The following DPP6 variants were observed in gnomAD, a reference collection of about 807,000 sequenced individuals.
DPP6 encodes A-type potassium channel modulatory protein DPP6.
DPP6 carries 69 observed loss-of-function variants against 122.6 expected under a neutral mutation model. The ratio of observed to expected loss-of-function variants is 0.56; its 90% confidence interval spans 0.46 to 0.69. The LOEUF (loss-of-function observed/expected upper bound fraction) is 0.69, where lower values mean the gene tolerates loss of function less well. Ranked by LOEUF, DPP6 falls within the 30% of genes least tolerant of loss-of-function variation. DPP6 has a pLI of 0.00. For missense variants in DPP6, 928 were observed against 1,116.9 expected, an observed-to-expected ratio of 0.83 and a Z score of 2.41; for synonymous variants, 418 against 433.1, an observed-to-expected ratio of 0.97 and a Z score of 0.43.
chr7:153,898,725 C>A (rs1012059780), intron 1 of DPP6, among the ~76,000 whole-genome samples: 2 of 152,124 alleles, frequency 1.3e-5, no homozygotes, highest in Non-Finnish European at 2.9e-5. Flanking sequence ...AGGCCTTCCA[C>A]AATAAGCAGT....
chr7:154,078,335 A>G (rs151306755), intron 1 of DPP6, among the ~76,000 whole-genome samples: 6,214 of 131,394 alleles, frequency 0.047, 381 homozygotes, highest in African/African-American at 0.17. Context: ...ACGACTTTCA[A>G]ACTTCAGTGC....
chr7:154,368,028 G>A (rs1278729367), intron 1 of DPP6, among the ~76,000 whole-genome samples: 5 of 152,162 alleles, frequency 3.3e-5, no homozygotes, highest in Admixed American at 6.5e-5. Context: ...GGCTGGTCTC[G>A]AACTCCTGAC....
chr7:154,146,547 T>A (rs1246932693), intron 1 of DPP6, among the ~76,000 whole-genome samples: 1 of 152,234 alleles, frequency 6.6e-6, no homozygotes. Context: ...GCTGGCCAAC[T>A]GCCCCTTCTC....
intron 1 of DPP6, among the ~76,000 whole-genome samples, chr7:154,041,003 G>A (rs1281258722): frequency 6.6e-6 from 1 of 152,094 alleles, no homozygotes; most frequent in Non-Finnish European, 1.5e-5. Context: ...CACAACTTAA[G>A]TATAAAGTGC....
chr7:153,999,497 G>T (rs985153398), intron 1 of DPP6, among the ~76,000 whole-genome samples: 10 of 152,274 alleles, frequency 6.6e-5, no homozygotes, highest in African/African-American at 2.4e-4. Context: ...TGCATTTGGC[G>T]TTTACTGTTG....
intron 5 of DPP6, among the ~76,000 whole-genome samples, chr7:154,589,903 G>A (rs988700106): frequency 6.6e-6 from 1 of 152,240 alleles, no homozygotes; most frequent in Non-Finnish European, 1.5e-5. Flanking sequence ...AATGACGGAA[G>A]TAATCGATTG....
intron 6 of DPP6, among the ~76,000 whole-genome samples, chr7:154,638,173 C>G (rs1212594033): frequency 6.6e-6 from 1 of 152,180 alleles, no homozygotes; most frequent in East Asian, 1.9e-4. Context: ...GGACATTCCC[C>G]TCTGCTTTGT....
At chr7:154,269,206 G>A (rs534717384) in intron 1 of DPP6, among the ~76,000 whole-genome samples, 4 of 152,144 alleles carry the variant, frequency 2.6e-5, no homozygotes, top group South Asian at 2.1e-4. Context: ...TGGGGAAACC[G>A]AAGATCAAAG....
intron 2 of DPP6, among the ~76,000 whole-genome samples, chr7:154,461,104 A>C (rs909993718): frequency 6.6e-6 from 1 of 151,926 alleles, no homozygotes; most frequent in African/African-American, 2.4e-5. Context: ...CATGCCAAGT[A>C]TGTCTTTCTG....
chr7:154,185,634 A>G (rs899791077), intron 1 of DPP6, among the ~76,000 whole-genome samples: 1 of 152,308 alleles, frequency 6.6e-6, no homozygotes, highest in Non-Finnish European at 1.5e-5. Context: ...TCACTTTAGT[A>G]GATGAATAAA....
chr7:154,548,081 C>T (rs906380861), intron 4 of DPP6, among the ~76,000 whole-genome samples: 1 of 152,018 alleles, frequency 6.6e-6, no homozygotes, highest in Non-Finnish European at 1.5e-5. Context: ...TGGTGGCAGG[C>T]GCCTGTAATC....
chr7:153,787,936 G>A, the DPP6 span, among the ~76,000 whole-genome samples: 1 of 151,076 alleles, frequency 6.6e-6, no homozygotes, highest in African/African-American at 2.4e-5. Context: ...AGAAGGTAGA[G>A]CAGTTGAAGG....
intron 1 of DPP6, among the ~76,000 whole-genome samples, chr7:154,393,801 C>T (rs1243949995): frequency 6.6e-6 from 1 of 152,096 alleles, no homozygotes; most frequent in Non-Finnish European, 1.5e-5. Context: ...ACAATCTCTT[C>T]ATTCCTCCCT....
rs1841144229 is a variant in DPP6 at position 154,710,998 on chromosome 7, T to C, written c.763-16769T>C. On this transcript the variant is annotated intron_variant, in intron 7 of 25. Transcript: ENST00000377770. ...TACTACAGAAATGTCAGTAAATGGT[T>C]CCTGATGTAATTAGCTTGATCAGGA... Among the ~76,000 whole-genome samples the C allele has an allele frequency of 3.3e-5, 5 of 152,364 alleles. No homozygotes were observed. In the South Asian group the frequency reaches 8.3e-4, roughly 25 times the overall value.
chr7:154,578,495 GGC>G, intron 5 of DPP6, among the ~76,000 whole-genome samples: 1 of 1,292 alleles, frequency 7.7e-4, no homozygotes, highest in Admixed American at 0.01. Flanking sequence ...AGTAAGCAGG[GGC>G]TATTCGGGCT....
At chr7:153,787,044 C>T in the DPP6 span, among the ~76,000 whole-genome samples, 3 of 146,526 alleles carry the variant, frequency 2.0e-5, 1 homozygote, top group Non-Finnish European at 3.0e-5. Flanking sequence ...CTCCGCTTCC[C>T]GGGTTCACGC....
intron 7 of DPP6, among the ~76,000 whole-genome samples, chr7:154,718,178 A>G (rs74966226): frequency 3.8e-4 from 58 of 152,222 alleles, no homozygotes; most frequent in African/African-American, 1.3e-3. Context: ...TCGTTTGCAG[A>G]TATTTCCTCC....
Position 153,972,049 on chromosome 7 carries a change from A to T in DPP6, c.51+84315A>T, listed in dbSNP as rs39158. ...AACACATCATTCGTGTATTTTTCCT[A>T]TGTTCTTATTGTAGAAAGGAGAGTA... On this transcript the variant is annotated intron_variant, in intron 1 of 25. Coordinates refer to the DPP6 transcript ENST00000404039. Among the ~76,000 whole-genome samples, 337 of 149,512 alleles carry T rather than the reference A, an allele frequency of 2.3e-3. 3 individuals are homozygous for T. Among genetic ancestry groups the T allele is most frequent in the South Asian group, 4.1e-3 (19 of 4,678 alleles).
chr7:154,369,811 C>T (rs1320229091), intron 1 of DPP6, among the ~76,000 whole-genome samples: 1 of 152,188 alleles, frequency 6.6e-6, no homozygotes, highest in African/African-American at 2.4e-5. Flanking sequence ...AAAGAATCCA[C>T]CTTCTGGCCT....
Sources: allele counts gnomAD v4.1 joint callset (sites outside exome capture counted in the v4.1 genomes callset), GRCh38; gene constraint gnomAD v4.1.1; transcripts MANE v1.5; gene names NCBI Gene and HGNC (gene_info 2026-07-23, HGNC 2026-07-21).